Variants in TIAM1 observed in about 807,000 individuals in gnomAD.
TIAM1 encodes rho guanine nucleotide exchange factor TIAM1.
A neutral mutation model predicts 163.5 loss-of-function variants in TIAM1; 65 were observed. The ratio of observed to expected loss-of-function variants is 0.40; its 90% CI spans 0.33 to 0.49. TIAM1 has a LOEUF of 0.49. Among genes scored for constraint, TIAM1 ranks in the 20% least tolerant of loss-of-function variants. TIAM1 has a pLI of 0.77. For missense variants in TIAM1, 1,789 were observed against 2,044.7 expected (o/e 0.87, Z 2.41); for synonymous variants, 833 against 810.1 (o/e 1.03, Z -0.48).
intron 23 of TIAM1, 98 bp downstream of exon 23, chr21:31,135,829 ATTAACT>A (rs1371579246): frequency 9.2e-7 from 1 of 1,081,186 alleles, no homozygotes; most frequent in Non-Finnish European, 1.4e-6. Context: ...AGTAACTGCA[ATTAACT>A]TTATTTTTAA....
At chr21:31,530,663 G>A (rs75348537) in intron 1 of TIAM1, among the ~76,000 whole-genome samples, 135 of 152,160 alleles carry the variant, frequency 8.9e-4, no homozygotes, top group Admixed American at 2.5e-3. Flanking sequence ...GAAGCAAGGC[G>A]CCTTCTGATC....
At chr21:31,547,780 A>C (rs1267839025) in intron 1 of TIAM1, among the ~76,000 whole-genome samples, 1 of 152,192 alleles carries the variant, frequency 6.6e-6, no homozygotes, top group Non-Finnish European at 1.5e-5. Flanking sequence ...TGCTCGATAA[A>C]CTGCTTAAGA....
chr21:31,439,670 T>C (rs1312879403), intron 2 of TIAM1, among the ~76,000 whole-genome samples: 1 of 151,602 alleles, frequency 6.6e-6, no homozygotes, highest in African/African-American at 2.4e-5. Context: ...GACCAGTCAT[T>C]AATATGTATA....
rs2073133075 is a variant in TIAM1 at position 31,273,053 on chromosome 21, G to C, written c.-12+3679C>G. 3.3e-5 allele frequency among the ~76,000 whole-genome samples: 5 copies of C among 151,908 alleles called. No individual in the cohort carries two copies. The South Asian group carries it at 1.0e-3, about 32-fold the overall frequency. The stretch of plus-strand genomic sequence containing the variant: ...CAGCTAATGACAACTAAAAACTCTG[G>C]ACCAAAAAGTAAACAAAAGCAAACA... On this transcript the variant is annotated intron_variant, in intron 3 of 27. Coordinates refer to ENST00000541036, the MANE Select transcript of TIAM1 (RefSeq NM_001353694.2).
chr21:31,302,762 G>T (rs2074553282), intron 2 of TIAM1, among the ~76,000 whole-genome samples: 1 of 152,186 alleles, frequency 6.6e-6, no homozygotes, highest in Non-Finnish European at 1.5e-5. Flanking sequence ...GGTAAAGACA[G>T]TCTCAGGAAA....
chr21:31,193,154 G>C (rs997979780), intron 13 of TIAM1, among the ~76,000 whole-genome samples: 7 of 152,172 alleles, frequency 4.6e-5, no homozygotes, highest in Non-Finnish European at 2.9e-5. Context: ...ATTTAACTCC[G>C]CCAGAATGTA....
intron 2 of TIAM1, among the ~76,000 whole-genome samples, chr21:31,300,080 C>T (rs1259145958): frequency 6.6e-6 from 1 of 152,164 alleles, no homozygotes; most frequent in Non-Finnish European, 1.5e-5. Flanking sequence ...GAGGATTTCT[C>T]ATGAATGGGT....
At chr21:31,163,827 A>G (rs2084055089) in intron 16 of TIAM1, among the ~76,000 whole-genome samples, 1 of 152,242 alleles carries the variant, frequency 6.6e-6, no homozygotes, top group South Asian at 2.1e-4. Context: ...AAAAGTATAC[A>G]GTTATGTGAT....
intron 1 of TIAM1, among the ~76,000 whole-genome samples, chr21:31,550,559 G>A (rs2048649735): frequency 1.3e-5 from 2 of 152,150 alleles, no homozygotes; most frequent in South Asian, 4.1e-4. Flanking sequence ...AAAATCGACT[G>A]TGGTGATGGT....
At chr21:31,556,773 C>T (rs1388466351) in intron 1 of TIAM1, among the ~76,000 whole-genome samples, 1 of 152,180 alleles carries the variant, frequency 6.6e-6, no homozygotes, top group African/African-American at 2.4e-5. Context: ...ACAGCCTCTT[C>T]CTTAAGTTTT....
intron 2 of TIAM1, among the ~76,000 whole-genome samples, chr21:31,375,720 A>G (rs1569277148): frequency 6.6e-6 from 1 of 152,178 alleles, no homozygotes; most frequent in Non-Finnish European, 1.5e-5. Context: ...TACTATATGC[A>G]AACCTGTTTA....
At chr21:31,319,048 C>A (rs1443024842) in intron 2 of TIAM1, among the ~76,000 whole-genome samples, 1 of 152,126 alleles carries the variant, frequency 6.6e-6, no homozygotes, top group Non-Finnish European at 1.5e-5. Flanking sequence ...AGTTTTGAAT[C>A]AAATTTTTTT....
At chr21:31,320,767 G>T (rs1482377311) in intron 2 of TIAM1, among the ~76,000 whole-genome samples, 1 of 152,200 alleles carries the variant, frequency 6.6e-6, no homozygotes, top group Admixed American at 6.5e-5. Flanking sequence ...GCCGAAGCAG[G>T]CGGATCACTT....
chr21:31,310,658 C>A (rs568548530), intron 2 of TIAM1, among the ~76,000 whole-genome samples: 1 of 152,142 alleles, frequency 6.6e-6, no homozygotes, highest in Non-Finnish European at 1.5e-5. Flanking sequence ...GCCTTTCAGA[C>A]GCAGAAGGTA....
chr21:31,395,622 A>G lies in TIAM1; in HGVS notation c.-368-56200T>C, dbSNP rs1282634623. Among the ~76,000 whole-genome samples the G allele has an allele frequency of 6.6e-6, 1 of 152,184 alleles. No homozygotes were observed. Among genetic ancestry groups the G allele is most frequent in the Non-Finnish European group, 1.5e-5 (1 of 68,042 alleles). On this transcript the variant is annotated intron_variant, in intron 2 of 28. Coordinates refer to the TIAM1 transcript ENST00000286827. The surrounding 1 kb of genome is among the most constrained non-coding windows in gnomAD (Gnocchi z 7.5). ...GCGTTACATTTCTCCACATAAATGA[A>G]CTTACACAGAGGGCATGGGGGTAGT...
In TIAM1 at chr21:31,118,786, A is replaced by C. The variant is rs2081896847; in HGVS notation, c.*1582T>G. The C allele has an allele frequency of 2.7e-6, 1 of 374,042 alleles. No individual in the cohort carries two copies. Among genetic ancestry groups the C allele is most frequent in the Admixed American group, 3.9e-5 (1 of 25,860 alleles). 23.2% of individuals were successfully genotyped at this position (374,042 alleles called of 1,614,324 possible). ...GATATAGCAAAAATTTAATAGAATA[A>C]AACTTTCAAAAGATCAAGCTCGAAG... On this transcript the variant is annotated 3_prime_UTR_variant, in exon 28 of 28. Transcript: ENST00000541036.
At chr21:31,484,002 C>T (rs1202783467) in intron 1 of TIAM1, among the ~76,000 whole-genome samples, 1 of 152,172 alleles carries the variant, frequency 6.6e-6, no homozygotes, top group Non-Finnish European at 1.5e-5. Flanking sequence ...GGTGATCAGT[C>T]ATAAGGTGCA....
rs1752620025 is a variant in TIAM1 at position 31,118,488 on chromosome 21, T to C, written c.*1880A>G. ...ATTCATAGACCTAAAAACATAAAAA[T>C]AGACCTTCTTTCAGCTTATAAAAGA... On this transcript the variant is annotated 3_prime_UTR_variant, in exon 28 of 28. Transcript: ENST00000541036. 4.5e-6 allele frequency: 2 copies of C among 439,896 alleles called. No individual in the cohort carries two copies. The highest frequency in any genetic ancestry group is 2.1e-5 in the African/African-American group (1 of 47,924). 27.2% of individuals were successfully genotyped at this position (439,896 alleles called of 1,614,324 possible).
intron 13 of TIAM1, among the ~76,000 whole-genome samples, chr21:31,189,972 A>G (rs1179407368): frequency 6.6e-6 from 1 of 152,198 alleles, no homozygotes; most frequent in African/African-American, 2.4e-5. Context: ...ATGATTGCCA[A>G]CAGGGGGCAG....
Sources: gnomAD v4.1 joint callset for allele counts (sites outside exome capture counted in the v4.1 genomes callset) on GRCh38, gnomAD v4.1.1 for gene constraint, Gnocchi (gnomAD v3.1) non-coding constraint, MANE v1.5 for transcripts, NCBI Gene and HGNC (gene_info 2026-07-23, HGNC 2026-07-21) for gene names.